RCSD1: variants seen among roughly 807,000 people sequenced by gnomAD.
The protein encoded by RCSD1 is RCSD domain containing 1.
RCSD1 carries 26 observed loss-of-function variants against 42.5 expected under a neutral mutation model. The ratio of observed to expected loss-of-function variants is 0.61; its 90% CI spans 0.45 to 0.85. The LOEUF (loss-of-function observed/expected upper bound fraction) is 0.85, where lower values mean the gene tolerates loss of function less well. RCSD1 is among the 40% of genes least tolerant of loss of function. The pLI, the probability that RCSD1 is intolerant of heterozygous loss-of-function variation, is 0.00. For synonymous variants in RCSD1, 220 were observed against 212.2 expected (o/e 1.04, Z -0.32); for missense variants, 571 against 528.3 (o/e 1.08, Z -0.79).
chr1:167,671,887 C>T (rs1256706774), intron 1 of RCSD1, among the ~76,000 whole-genome samples: 5 of 152,224 alleles, frequency 3.3e-5, no homozygotes, highest in Admixed American at 2.6e-4. Context: ...GCTCCCCTGG[C>T]CTTGAACTCC....
At chr1:167,670,358 A>AAAG (rs386368636) in intron 1 of RCSD1, among the ~76,000 whole-genome samples, 1 of 13,402 alleles carries the variant, frequency 7.5e-5, no homozygotes, top group African/African-American at 6.3e-4. Context: ...TTTGCAAAAG[A>AAAG]AAAAAAAAAA....
chr1:167,683,950 G>C lies in RCSD1; in HGVS notation c.57G>C (p.Ser19=). The C allele has an allele frequency of 6.2e-7, 1 of 1,614,156 alleles. No individual in the cohort carries two copies. The highest frequency in any genetic ancestry group is 8.5e-7 in the Non-Finnish European group (1 of 1,180,028). ...ATGTGGACAACTCGGCGTCCCCCTC[G>C]GTGGCCCAGCTGGCCGGGCGGTTTA... ...NANVDNSASP[S]VAQLAGRFRE... is the part of the protein sequence containing the mutation. Residue 19 remains serine (S), a synonymous_variant, in exon 2 of 7, where the codon TCG becomes TCC. Coordinates refer to ENST00000367854, the MANE Select transcript of RCSD1 (RefSeq NM_052862.4).
At chr1:167,638,322 A>G (rs1314102894) in intron 1 of RCSD1, 2 of 152,226 alleles carry the variant, frequency 1.3e-5, no homozygotes, top group African/African-American at 4.8e-5. Context: ...TTGAATGCCT[A>G]CTATATATAG....
intron 1 of RCSD1, among the ~76,000 whole-genome samples, chr1:167,679,036 T>C (rs957083718): frequency 6.6e-6 from 1 of 152,246 alleles, no homozygotes; most frequent in Admixed American, 6.5e-5. Context: ...ATTGCTGAAG[T>C]AGCAACTTCT....
At chr1:167,675,530 T>C (rs900037100) in intron 1 of RCSD1, among the ~76,000 whole-genome samples, 13 of 152,058 alleles carry the variant, frequency 8.5e-5, no homozygotes, top group Non-Finnish European at 1.5e-5. Context: ...GAATTCAAGA[T>C]GAGATTTGGG....
rs560177322 is a variant in RCSD1, at chr1:167,630,504, C to T, written c.6+75C>T. The T allele has an allele frequency of 4.7e-4, 663 of 1,412,996 alleles. 2 individuals are homozygous for T. In the African/African-American group the frequency reaches 8.3e-3, roughly 18 times the overall value. The allele number at this position is 1,412,996 out of a possible 1,614,324, so 87.5% of individuals were successfully genotyped here. On this transcript the variant is annotated intron_variant, in intron 1 of 6. Coordinates refer to ENST00000367854, the MANE Select transcript of RCSD1 (RefSeq NM_052862.4). Reference sequence around the variant, plus strand: ...GGGCGCCCCTTCCCCGGGCGGCTGCCCCTGCCCTGAGCATGGAGCACGCGG... The same window carrying T: ...GGGCGCCCCTTCCCCGGGCGGCTGCTCCTGCCCTGAGCATGGAGCACGCGG...
chr1:167,685,511 G>GT lies in RCSD1; in HGVS notation c.198+2dup. The stretch of plus-strand genomic sequence containing the variant: ...AGACCTGGGCCAGAATGGTGAGGAG[G>GT]TAAGTGCTGCTGTTGGGGCTCAGAG... On this transcript the variant is annotated splice_donor_variant, in intron 3 of 6. Coordinates refer to ENST00000367854, the MANE Select transcript of RCSD1 (RefSeq NM_052862.4). LOFTEE classifies it high-confidence loss of function. The GT allele has an allele frequency of 6.2e-7, 1 of 1,613,014 alleles. No individual in the cohort carries two copies. The highest frequency in any genetic ancestry group is 2.2e-5 in the East Asian group (1 of 44,822).
chr1:167,654,867 C>G (rs1227901497), intron 1 of RCSD1, among the ~76,000 whole-genome samples: 1 of 152,032 alleles, frequency 6.6e-6, no homozygotes, highest in Non-Finnish European at 1.5e-5. Flanking sequence ...CAGGACTAGG[C>G]TTAGTGACCT....
intron 1 of RCSD1, among the ~76,000 whole-genome samples, chr1:167,666,316 G>A (rs1320900045): frequency 6.6e-6 from 1 of 152,276 alleles, no homozygotes; most frequent in East Asian, 1.9e-4. Context: ...AGATAATTAT[G>A]AATCCATGTC....
intron 1 of RCSD1, among the ~76,000 whole-genome samples, chr1:167,676,147 C>T (rs1009185010): frequency 6.6e-6 from 1 of 152,218 alleles, no homozygotes; most frequent in African/African-American, 2.4e-5. Flanking sequence ...GATAGGCAAT[C>T]TGAGGCACGG....
intron 1 of RCSD1, among the ~76,000 whole-genome samples, chr1:167,660,764 G>A (rs527316817): frequency 3.3e-5 from 5 of 152,192 alleles, no homozygotes; most frequent in African/African-American, 4.8e-5. Context: ...GTGAGCCGCC[G>A]TGCCCAGCTT....
chr1:167,649,694 G>A (rs547716449), intron 1 of RCSD1, among the ~76,000 whole-genome samples: 249 of 152,292 alleles, frequency 1.6e-3, no homozygotes, highest in African/African-American at 5.8e-3. Flanking sequence ...GGGACTGTGA[G>A]GGCAGAGAAA....
chr1:167,707,859 T>C lies in RCSD1; in HGVS notation c.*3163T>C, dbSNP rs1377778871. The stretch of plus-strand genomic sequence containing the variant: ...ACAAGTATGCACCACCATGCCCAGC[T>C]AATTTTTGTATTTTTTAGTAGAGAC... On this transcript the variant is annotated 3_prime_UTR_variant, in exon 7 of 7. Coordinates refer to ENST00000367854, the MANE Select transcript of RCSD1 (RefSeq NM_052862.4). Among the ~76,000 whole-genome samples, 3 of 152,184 alleles carry C rather than the reference T, an allele frequency of 2.0e-5. No individual in the cohort carries two copies. The highest frequency in any genetic ancestry group is 4.4e-5 in the Non-Finnish European group (3 of 68,038).
rs1658768779 is a variant in RCSD1 at position 167,670,200 on chromosome 1, TAG to T, written c.7-13695_7-13694del. Among the ~76,000 whole-genome samples the T allele has an allele frequency of 2.6e-5, 4 of 151,262 alleles. No individual in the cohort carries two copies. The South Asian group carries it at 8.3e-4, about 31-fold the overall frequency. The stretch of plus-strand genomic sequence containing the variant: ...ATTTTATTATTGAACTAACCAACAG[TAG>T]AGAGTCAGAGTAGTGCATAACAGGG... On this transcript the variant is annotated intron_variant, in intron 1 of 6. Coordinates refer to ENST00000367854, the MANE Select transcript of RCSD1 (RefSeq NM_052862.4).
chr1:167,630,901 TC>T (rs1243527605), intron 1 of RCSD1, among the ~76,000 whole-genome samples: 2 of 152,182 alleles, frequency 1.3e-5, no homozygotes, highest in Admixed American at 1.3e-4. Flanking sequence ...TCTGTGGGCT[TC>T]CCTTTTCGCT....
At chr1:167,637,009 G>A (rs980172968) in intron 1 of RCSD1, among the ~76,000 whole-genome samples, 2 of 152,182 alleles carry the variant, frequency 1.3e-5, no homozygotes, top group Admixed American at 1.3e-4. Flanking sequence ...GTCTAAGAGG[G>A]GAGACAAACA....
In RCSD1 at chr1:167,707,551, G is replaced by A. The variant is rs368736456; in HGVS notation, c.*2855G>A. The stretch of plus-strand genomic sequence containing the variant: ...GATGTCAGGAATCTCTCATGGTATT[G>A]GTCTCTGCTTTCCCTCGTATTGGCC... On this transcript the variant is annotated 3_prime_UTR_variant, in exon 7 of 7. Coordinates refer to ENST00000367854, the MANE Select transcript of RCSD1 (RefSeq NM_052862.4). Among the ~76,000 whole-genome samples, 1 of 151,748 alleles carries A rather than the reference G, an allele frequency of 6.6e-6. No individual in the cohort carries two copies. The highest frequency in any genetic ancestry group is 2.4e-5 in the African/African-American group (1 of 41,276).
At position 167,708,032 on chromosome 1, in the gene RCSD1, C is replaced by T. The variant is rs1358124356; in HGVS notation, c.*3336C>T. On this transcript the variant is annotated 3_prime_UTR_variant, in exon 7 of 7. Coordinates refer to ENST00000367854, the MANE Select transcript of RCSD1 (RefSeq NM_052862.4). ...GTAGGTTCTTCCCAGCCTGCAAACC[C>T]AGTGAAAGGGCTTATTCTTTCACCA... 2.6e-5 allele frequency among the ~76,000 whole-genome samples: 4 copies of T among 152,134 alleles called. No homozygotes were observed. Among genetic ancestry groups the T allele is most frequent in the African/African-American group, 4.8e-5 (2 of 41,438 alleles).
intron 1 of RCSD1, among the ~76,000 whole-genome samples, chr1:167,634,186 C>T (rs1303678629): frequency 6.6e-6 from 1 of 152,198 alleles, no homozygotes; most frequent in Non-Finnish European, 1.5e-5. Flanking sequence ...CCCCCAGACT[C>T]TACAGCACTC....
Sources: allele counts gnomAD v4.1 joint callset (sites outside exome capture counted in the v4.1 genomes callset), GRCh38; gene constraint gnomAD v4.1.1; transcripts MANE v1.5; gene names NCBI Gene and HGNC (gene_info 2026-07-23, HGNC 2026-07-21).